Variants in TSPAN18 observed in about 807,000 individuals in gnomAD.
TSPAN18 encodes tetraspanin 18, also known as tetraspanin-18.
Under a neutral mutation model 27.3 loss-of-function variants are expected in TSPAN18, and 14 were observed. That is an observed-to-expected ratio of 0.51 (90% CI 0.34 to 0.80). The LOEUF is 0.80. TSPAN18 is among the 30% of genes least tolerant of loss of function. The probability of loss-of-function intolerance (pLI) is 0.01; values close to 1 mark genes in which losing one functional copy is unlikely to be tolerated. For missense variants in TSPAN18, 268 were observed against 323.9 expected (o/e 0.83, Z 1.32); for synonymous variants, 143 against 136.5 (o/e 1.05, Z -0.33).
intron 3 of TSPAN18, among the ~76,000 whole-genome samples, chr11:44,873,191 GC>G (rs1410305104): frequency 6.6e-6 from 1 of 152,232 alleles, no homozygotes; most frequent in African/African-American, 2.4e-5. Flanking sequence ...CAGCACAGGG[GC>G]CCTGCATAGC....
chr11:44,859,005 T>A (rs1236228749), intron 2 of TSPAN18, among the ~76,000 whole-genome samples: 3 of 152,046 alleles, frequency 2.0e-5, no homozygotes, highest in East Asian at 1.9e-4. Flanking sequence ...TGGTGTGACA[T>A]TCGTGCTCAC....
chr11:44,845,906 G>A (rs376209349), intron 2 of TSPAN18, among the ~76,000 whole-genome samples: 2 of 152,338 alleles, frequency 1.3e-5, no homozygotes, highest in East Asian at 3.9e-4. Context: ...CAAGGCAGCA[G>A]GGAAAAATGG....
At chr11:44,795,552 G>A (rs117480109) in intron 2 of TSPAN18, among the ~76,000 whole-genome samples, 2,305 of 152,240 alleles carry the variant, frequency 0.015, 17 homozygotes, top group Middle Eastern at 0.037. Flanking sequence ...GAGTTCTGGC[G>A]GTGGCCAGCC....
intron 1 of TSPAN18, among the ~76,000 whole-genome samples, chr11:44,761,494 A>T (rs373972252): frequency 1.3e-5 from 2 of 152,188 alleles, no homozygotes; most frequent in African/African-American, 4.8e-5. Context: ...GGGAATTAGG[A>T]TTAGTGCTGG....
chr11:44,776,241 T>C (rs73450644), intron 2 of TSPAN18, among the ~76,000 whole-genome samples: 1 of 152,302 alleles, frequency 6.6e-6, no homozygotes, highest in African/African-American at 2.4e-5. Context: ...GTAAGACCAC[T>C]GTATAGATGT....
intron 2 of TSPAN18, among the ~76,000 whole-genome samples, chr11:44,822,736 C>A (rs1394649533): frequency 1.3e-5 from 2 of 152,126 alleles, no homozygotes; most frequent in Non-Finnish European, 2.9e-5. Context: ...TGAGGAGACA[C>A]AGGCTAACTC....
chr11:44,758,383 A>G (rs1855379633), intron 1 of TSPAN18, among the ~76,000 whole-genome samples: 1 of 152,204 alleles, frequency 6.6e-6, no homozygotes, highest in African/African-American at 2.4e-5. Context: ...CCATCCTTGC[A>G]TTCCAGAAAT....
chr11:44,750,233 G>A (rs537986092), intron 1 of TSPAN18, among the ~76,000 whole-genome samples: 123 of 152,202 alleles, frequency 8.1e-4, no homozygotes, highest in African/African-American at 2.8e-3. Context: ...TTTGGCCATC[G>A]ATCTTAATTA....
chr11:44,908,769 G>GAAAGAAGGAAAGAAAGAA (rs1554938043), intron 4 of TSPAN18, among the ~76,000 whole-genome samples: 2 of 71,698 alleles, frequency 2.8e-5, no homozygotes, highest in African/African-American at 1.3e-4. Context: ...AGAGAGAAAG[G>GAAAGAAGGAAAGAAAGAA]AGAAAGAAAG....
chr11:44,756,646 A>G (rs777015131), intron 1 of TSPAN18, among the ~76,000 whole-genome samples: 8 of 152,102 alleles, frequency 5.3e-5, no homozygotes, highest in Non-Finnish European at 1.0e-4. Context: ...TACATGTTTC[A>G]TGTAAGTGGA....
chr11:44,797,105 CA>C (rs1856367964), intron 2 of TSPAN18, among the ~76,000 whole-genome samples: 1 of 152,120 alleles, frequency 6.6e-6, no homozygotes, highest in Non-Finnish European at 1.5e-5. Flanking sequence ...AGGAGTGACT[CA>C]TTGATGCCAC....
intron 2 of TSPAN18, among the ~76,000 whole-genome samples, chr11:44,787,029 G>A (rs1856075109): frequency 6.6e-6 from 1 of 152,144 alleles, no homozygotes; most frequent in African/African-American, 2.4e-5. Context: ...GCCAGGGCAG[G>A]GCCTAATTAG....
At chr11:44,730,604 TG>T (rs770889821) in intron 1 of TSPAN18, among the ~76,000 whole-genome samples, 143 of 148,964 alleles carry the variant, frequency 9.6e-4, no homozygotes, top group Non-Finnish European at 1.7e-3. Context: ...TCTGAGGGAG[TG>T]GGGGTGGATC....
chr11:44,726,654 C>G (rs1854508932), upstream of TSPAN18: 1 of 151,942 alleles, frequency 6.6e-6, no homozygotes, highest in Admixed American at 6.6e-5. Context: ...TCTCCCCACT[C>G]CCGCAACGAT....
At chr11:44,776,916 C>T (rs908238861) in intron 2 of TSPAN18, among the ~76,000 whole-genome samples, 20 of 152,202 alleles carry the variant, frequency 1.3e-4, no homozygotes, top group Admixed American at 3.9e-4. Flanking sequence ...GGGACCCAAG[C>T]TCCCTTTTGG....
chr11:44,800,006 G>GGTTTTTTTTTTT lies in TSPAN18; in HGVS notation c.-153+35494_-153+35495insGTTTTTTTTTTT, dbSNP rs1554985027. 8.2e-5 allele frequency among the ~76,000 whole-genome samples: 9 copies of GGTTTTTTTTTTT among 109,378 alleles called. 1 individual carries two copies. Among genetic ancestry groups the GGTTTTTTTTTTT allele is most frequent in the South Asian group, 3.0e-4 (1 of 3,372 alleles). 71.8% of individuals were successfully genotyped at this position (109,378 alleles called of 152,430 possible). A position where few individuals can be genotyped will look rare whatever the true frequency, so the allele number is the denominator to read the frequency against. On this transcript the variant is annotated intron_variant, in intron 2 of 9. Transcript: ENST00000520358. ...CCACCACACCCGGCTAATTTTTTGT[G>GGTTTTTTTTTTT]TTTTTTTTTTTTTTTTTTTTTTGTA...
intron 3 of TSPAN18, chr11:44,901,119 C>T (rs1316362632): frequency 1.3e-5 from 2 of 152,180 alleles, no homozygotes; most frequent in Non-Finnish European, 2.9e-5. Context: ...GCACCAAAGC[C>T]CTCTTTTTAC....
At chr11:44,926,830 C>T (rs1860377843) in intron 9 of TSPAN18, 73 bp downstream of exon 9, 2 of 1,514,784 alleles carry the variant, frequency 1.3e-6, no homozygotes, top group Admixed American at 1.7e-5. Context: ...ATCCCCCCAG[C>T]CTCCTTTCCT....
chr11:44,888,846 G>C (rs941290541), intron 3 of TSPAN18, among the ~76,000 whole-genome samples: 1 of 152,190 alleles, frequency 6.6e-6, no homozygotes, highest in African/African-American at 2.4e-5. Flanking sequence ...CCACGAGGAT[G>C]GTGATATAGT....
Sources: gnomAD v4.1 joint callset for allele counts (sites outside exome capture counted in the v4.1 genomes callset) on GRCh38, gnomAD v4.1.1 for gene constraint, MANE v1.5 for transcripts, NCBI Gene and HGNC (gene_info 2026-07-23, HGNC 2026-07-21) for gene names.